Variants in TRMT9B observed in about 807,000 individuals in gnomAD.
TRMT9B encodes the protein probable tRNA methyltransferase 9B.
In TRMT9B, 16 loss-of-function variants were observed where a neutral mutation model predicts 11.5. The ratio of observed to expected loss-of-function variants is 1.39; its 90% CI spans 0.94 to 2.11. The LOEUF (loss-of-function observed/expected upper bound fraction) is 2.11, where lower values mean the gene tolerates loss of function less well. TRMT9B is among the 30% of genes most tolerant of loss of function. The probability of loss-of-function intolerance (pLI) is 0.00; values close to 1 mark genes in which losing one functional copy is unlikely to be tolerated. For synonymous variants in TRMT9B, 274 were observed against 192.4 expected, an observed-to-expected ratio of 1.42 and a Z score of -3.51; for missense variants, 941 against 553.8, an observed-to-expected ratio of 1.70 and a Z score of -7.02.
chr8:13,002,045 T>TAAA (rs1809540911), intron 2 of TRMT9B, among the ~76,000 whole-genome samples: 1 of 152,330 alleles, frequency 6.6e-6, no homozygotes, highest in African/African-American at 2.4e-5. Context: ...TCTGCAGTGT[T>TAAA]TATAAAGTTA....
chr8:12,989,151 T>A (rs1052097584), intron 1 of TRMT9B, among the ~76,000 whole-genome samples: 6 of 152,042 alleles, frequency 3.9e-5, no homozygotes, highest in African/African-American at 1.4e-4. Context: ...CCCAGGAAAA[T>A]ACACGCATGG....
rs202222652 is a variant in TRMT9B, at chr8:13,016,235, T to TGTA, written c.328+3378_328+3379insGTA. 1.5e-4 allele frequency among the ~76,000 whole-genome samples: 12 copies of TGTA among 79,206 alleles called. 5 individuals are homozygous for TGTA. The East Asian group carries it at 3.1e-3, about 21-fold the overall frequency. The allele number at this position is 79,206 out of a possible 152,430, so 52.0% of individuals were successfully genotyped here. On this transcript the variant is annotated intron_variant, in intron 4 of 4. Coordinates refer to ENST00000524591, the MANE Select transcript of TRMT9B (RefSeq NM_020844.3). Reference sequence around the variant, plus strand: ...ATAAAATATAAATGTGAAATATATATTATATATAAAATATAAATGTGAAAT... The same window carrying TGTA: ...ATAAAATATAAATGTGAAATATATATGTATATATATAAAATATAAATGTGAAAT...
At chr8:12,998,188 T>A (rs1808724065) in intron 2 of TRMT9B, among the ~76,000 whole-genome samples, 1 of 152,246 alleles carries the variant, frequency 6.6e-6, no homozygotes, top group African/African-American at 2.4e-5. Context: ...ACACTCTGGG[T>A]TGAATTTTCC....
At chr8:12,964,881 G>T (rs752966927) in intron 1 of TRMT9B, among the ~76,000 whole-genome samples, 4 of 152,126 alleles carry the variant, frequency 2.6e-5, no homozygotes, top group Non-Finnish European at 4.4e-5. Context: ...TGTGAGCCAT[G>T]TGCTTGGTTC....
intron 2 of TRMT9B, among the ~76,000 whole-genome samples, chr8:13,005,140 A>G (rs2466266): frequency 0.27 from 40,965 of 151,880 alleles, 6,077 homozygotes; most frequent in East Asian, 0.58. Flanking sequence ...TCGCAATAAC[A>G]TGGATGGATC....
At chr8:12,989,108 C>A (rs948348060) in intron 1 of TRMT9B, among the ~76,000 whole-genome samples, 5 of 151,756 alleles carry the variant, frequency 3.3e-5, no homozygotes, top group African/African-American at 9.7e-5. Context: ...CTGGCTTTGC[C>A]CCTGAGCCAT....
intron 1 of TRMT9B, among the ~76,000 whole-genome samples, chr8:12,961,523 A>C (rs1802104511): frequency 6.6e-6 from 1 of 151,418 alleles, no homozygotes; most frequent in Non-Finnish European, 1.5e-5. Flanking sequence ...AACACGGTGA[A>C]ACCCCGTCTC....
rs476541 is a variant in TRMT9B, at chr8:13,029,240, A to T, written c.*7196A>T. ...ATTTAGAACAATTATTAGATGTTAT[A>T]GTGCCTCTTCTCGTGTTGATACGTG... is the stretch of plus-strand genomic sequence containing the variant. On this transcript the variant is annotated 3_prime_UTR_variant, in exon 5 of 5. Transcript: ENST00000524591. 102,058 of 166,832 alleles carry T rather than the reference A, an allele frequency of 0.61. 32,904 individuals carry two copies. Among genetic ancestry groups the T allele is most frequent in the African/African-American group, 0.82 (34,116 of 41,474 alleles). The allele number at this position is 166,832 out of a possible 1,614,324, so 10.3% of individuals were successfully genotyped here.
chr8:12,986,874 A>G (rs1806400588), intron 1 of TRMT9B, among the ~76,000 whole-genome samples: 1 of 152,144 alleles, frequency 6.6e-6, no homozygotes, highest in African/African-American at 2.4e-5. Context: ...AACATATTTA[A>G]CCAAGTTCTT....
rs1814816301 is a variant in TRMT9B at position 13,027,396 on chromosome 8, G to GACTT, written c.*5354_*5357dup. ...TATTTAAGGAGTACCCTAAAGCTTG[G>GACTT]ACTTAATCTAGCTTACCCTAGACGT... is the stretch of plus-strand genomic sequence containing the variant. On this transcript the variant is annotated 3_prime_UTR_variant, in exon 5 of 5. Transcript: ENST00000524591. 1 of 167,004 alleles carries GACTT rather than the reference G, an allele frequency of 6.0e-6. No individual in the cohort carries two copies. Among genetic ancestry groups the GACTT allele is most frequent in the Non-Finnish European group, 1.5e-5 (1 of 68,120 alleles). 10.3% of individuals were successfully genotyped at this position (167,004 alleles called of 1,614,324 possible).
intron 1 of TRMT9B, among the ~76,000 whole-genome samples, chr8:12,964,094 G>A (rs922000840): frequency 6.6e-6 from 1 of 152,104 alleles, no homozygotes; most frequent in African/African-American, 2.4e-5. Context: ...CTAAAACAGA[G>A]GTTTTATGAT....
chr8:12,965,906 G>A (rs748834318), intron 1 of TRMT9B, among the ~76,000 whole-genome samples: 31 of 151,558 alleles, frequency 2.0e-4, no homozygotes, highest in Non-Finnish European at 4.4e-4. Context: ...CCAGCTACTC[G>A]GGAGGCTGAG....
chr8:12,957,844 A>G (rs1801516477), intron 1 of TRMT9B, among the ~76,000 whole-genome samples: 1 of 152,202 alleles, frequency 6.6e-6, no homozygotes, highest in South Asian at 2.1e-4. Context: ...CAGTTCAGTG[A>G]CATTTATTTT....
intron 1 of TRMT9B, among the ~76,000 whole-genome samples, chr8:12,959,305 A>G (rs1801731382): frequency 6.6e-6 from 1 of 152,166 alleles, no homozygotes; most frequent in South Asian, 2.1e-4. Context: ...ACTTCACTTG[A>G]CAGATTGCGG....
At chr8:13,017,353 C>G (rs865975745) in intron 4 of TRMT9B, among the ~76,000 whole-genome samples, 1 of 152,124 alleles carries the variant, frequency 6.6e-6, no homozygotes, top group Non-Finnish European at 1.5e-5. Context: ...TGAATTCAAC[C>G]TACCTACTGT....
chr8:13,001,033 C>T (rs1032192681), intron 2 of TRMT9B, among the ~76,000 whole-genome samples: 27 of 152,172 alleles, frequency 1.8e-4, no homozygotes, highest in Non-Finnish European at 4.4e-5. Flanking sequence ...TACTAGACTT[C>T]CCCAATCTTT....
In TRMT9B at chr8:13,026,311, G is replaced by T. The variant is rs1003810880; in HGVS notation, c.*4267G>T. 1.3e-4 allele frequency: 22 copies of T among 167,154 alleles called. No individual in the cohort carries two copies. Among genetic ancestry groups the T allele is most frequent in the African/African-American group, 5.3e-4 (22 of 41,468 alleles). 10.4% of individuals were successfully genotyped at this position (167,154 alleles called of 1,614,324 possible). ...CAAACACCGCATGTTCTCACTCATAGGTGGGAATTGAACAATGAGAACACA... is the reference window on the plus strand; with the variant it reads ...CAAACACCGCATGTTCTCACTCATATGTGGGAATTGAACAATGAGAACACA... On this transcript the variant is annotated 3_prime_UTR_variant, in exon 5 of 5. Coordinates refer to ENST00000524591, the MANE Select transcript of TRMT9B (RefSeq NM_020844.3).
intron 1 of TRMT9B, among the ~76,000 whole-genome samples, chr8:12,983,711 C>T (rs1805789514): frequency 1.3e-5 from 2 of 152,096 alleles, no homozygotes; most frequent in Non-Finnish European, 2.9e-5. Flanking sequence ...AGAATGTCTC[C>T]TCATCCCTAG....
chr8:13,007,100 A>G (rs561420069), intron 3 of TRMT9B: 2 of 152,370 alleles, frequency 1.3e-5, no homozygotes, highest in East Asian at 3.9e-4. Context: ...AAATTTAAAG[A>G]TATTCACATT....
Sources: gnomAD v4.1 joint callset for allele counts (sites outside exome capture counted in the v4.1 genomes callset) on GRCh38, gnomAD v4.1.1 for gene constraint, MANE v1.5 for transcripts, NCBI Gene and HGNC (gene_info 2026-07-23, HGNC 2026-07-21) for gene names.